Variants in SNTB2 observed in about 807,000 individuals in gnomAD.
SNTB2 encodes the protein syntrophin beta 2, also known as beta-2-syntrophin.
A neutral mutation model predicts 46.2 loss-of-function variants in SNTB2; 34 were observed. The observed-to-expected ratio is 0.74, with a 90% CI of 0.56 to 0.98. The LOEUF is 0.98. Ranked by LOEUF, SNTB2 falls within the 50% of genes least tolerant of loss-of-function variation. SNTB2 has a pLI of 0.00. For missense variants in SNTB2, 603 were observed against 731.4 expected (o/e 0.82, Z 2.02); for synonymous variants, 290 against 312.6 (o/e 0.93, Z 0.76).
rs888609765 is a variant in SNTB2, at chr16:69,307,732, C to T, written c.*6808C>T. The T allele has an allele frequency of 1.3e-5, 2 of 151,514 alleles. No homozygotes were observed. The highest frequency in any genetic ancestry group is 2.9e-5 in the Non-Finnish European group (2 of 67,922). The allele number at this position is 151,514 out of a possible 1,614,324, so 9.4% of individuals were successfully genotyped here. On this transcript the variant is annotated 3_prime_UTR_variant, in exon 7 of 7. Transcript: ENST00000336278. Reference sequence around the variant, plus strand: ...GGCCAAGGCAGGAGGATCACTTTAGCCCAGGAGGTCCAGACCAGCCTGGGC... The same window carrying T: ...GGCCAAGGCAGGAGGATCACTTTAGTCCAGGAGGTCCAGACCAGCCTGGGC...
intron 4 of SNTB2, among the ~76,000 whole-genome samples, chr16:69,280,995 C>T (rs1965037451): frequency 6.6e-6 from 1 of 152,100 alleles, no homozygotes; most frequent in South Asian, 2.1e-4. Context: ...GACAGGGTTT[C>T]ACCGTGTTAG....
chr16:69,287,590 G>A (rs1042658331), intron 5 of SNTB2, among the ~76,000 whole-genome samples: 3 of 152,110 alleles, frequency 2.0e-5, no homozygotes, highest in African/African-American at 2.4e-5. Flanking sequence ...TGCTGGAAGC[G>A]GTTGCTTATG....
At chr16:69,246,403 G>A (rs1203401763) in intron 2 of SNTB2, among the ~76,000 whole-genome samples, 1 of 151,280 alleles carries the variant, frequency 6.6e-6, no homozygotes, top group Non-Finnish European at 1.5e-5. Context: ...GCATCCCAGG[G>A]ATGAAGCCCA....
intron 1 of SNTB2, among the ~76,000 whole-genome samples, chr16:69,195,924 A>C (rs1964100990): frequency 6.6e-6 from 1 of 152,132 alleles, no homozygotes; most frequent in Admixed American, 6.5e-5. Context: ...TAACTTATGT[A>C]CACTATAACA....
intron 2 of SNTB2, among the ~76,000 whole-genome samples, chr16:69,251,188 C>T (rs192393109): frequency 2.6e-5 from 4 of 150,974 alleles, no homozygotes; most frequent in East Asian, 4.1e-4. Flanking sequence ...CCGTTTTAGC[C>T]GGGATGGTCT....
intron 1 of SNTB2, chr16:69,191,029 C>T (rs1199361743): frequency 2.0e-5 from 3 of 152,006 alleles, no homozygotes; most frequent in Non-Finnish European, 4.4e-5. Flanking sequence ...GGAAGGATGG[C>T]AAGTCGTTAA....
At position 69,287,190 on chromosome 16, in the gene SNTB2, T is replaced by C. The variant is rs1230055979; in HGVS notation, c.1345+2946T>C. On this transcript the variant is annotated intron_variant, in intron 5 of 6. Coordinates refer to ENST00000336278, the MANE Select transcript of SNTB2 (RefSeq NM_006750.4). Reference sequence around the variant, plus strand: ...ATTGTTTTTTATATATATTTACATATATGTATACATGTAGATATTTGCAAA... The same window carrying C: ...ATTGTTTTTTATATATATTTACATACATGTATACATGTAGATATTTGCAAA... Among the ~76,000 whole-genome samples the C allele has an allele frequency of 2.0e-5, 3 of 152,238 alleles. No individual in the cohort carries two copies. The South Asian group carries it at 6.2e-4, about 31-fold the overall frequency.
intron 4 of SNTB2, among the ~76,000 whole-genome samples, chr16:69,282,200 C>T (rs1301714290): frequency 6.7e-6 from 1 of 150,196 alleles, no homozygotes; most frequent in African/African-American, 2.4e-5. Context: ...GTGGCTCATG[C>T]CTGTAATTCC....
chr16:69,194,076 C>T (rs1200644631), intron 1 of SNTB2, among the ~76,000 whole-genome samples: 1 of 151,958 alleles, frequency 6.6e-6, no homozygotes, highest in Non-Finnish European at 1.5e-5. Flanking sequence ...TCAAATAATC[C>T]TCTTGCATGC....
At chr16:69,209,611 G>A (rs1964258405) in intron 1 of SNTB2, among the ~76,000 whole-genome samples, 1 of 152,144 alleles carries the variant, frequency 6.6e-6, no homozygotes, top group Non-Finnish European at 1.5e-5. Flanking sequence ...GCCATTGGTG[G>A]AAATACTTTA....
At chr16:69,273,117 T>C (rs555802280) in intron 4 of SNTB2, among the ~76,000 whole-genome samples, 1 of 152,240 alleles carries the variant, frequency 6.6e-6, no homozygotes, top group African/African-American at 2.4e-5. Flanking sequence ...GAAAATGGAA[T>C]CTTCATACAC....
chr16:69,284,142 C>A lies in SNTB2; in HGVS notation c.1243C>A (p.His415Asn). The A allele has an allele frequency of 6.2e-7, 1 of 1,613,972 alleles. No homozygotes were observed. The highest frequency in any genetic ancestry group is 8.5e-7 in the Non-Finnish European group (1 of 1,179,984). The change falls in exon 5 of 7, where the codon CAT becomes AAT. Residue 415 changes from histidine (H) to asparagine (N), a missense_variant. Physicochemically the swap from His to Asn is moderately conservative, Grantham distance 68. This residue lies in a region of SNTB2 where 537 missense variants were observed against 692.4 expected (regional missense o/e 0.78). Transcript: ENST00000336278. ...AGGCTCTCGACAGGGCATTGAGATG[C>A]ATCTCTTCAGGGTGGAGACACATCG... ...RTGSRQGIEM[H>N]LFRVETHRDL... is the part of the protein sequence containing the mutation.
At chr16:69,232,208 CTT>C (rs34688718) in intron 1 of SNTB2, among the ~76,000 whole-genome samples, 44 of 136,526 alleles carry the variant, frequency 3.2e-4, no homozygotes, top group Non-Finnish European at 4.6e-4. Flanking sequence ...TTTCTTTTTT[CTT>C]TTTTTTTTTT....
chr16:69,277,953 A>T (rs952228726), intron 4 of SNTB2, among the ~76,000 whole-genome samples: 26 of 152,354 alleles, frequency 1.7e-4, no homozygotes, highest in Admixed American at 7.8e-4. Flanking sequence ...AGGCCAAGGC[A>T]TGTGGATCGC....
intron 4 of SNTB2, among the ~76,000 whole-genome samples, chr16:69,282,115 G>C: frequency 6.7e-6 from 1 of 149,492 alleles, no homozygotes; most frequent in Non-Finnish European, 1.5e-5. Flanking sequence ...ATGTGGGCTA[G>C]GCTGGACTTA....
chr16:69,220,648 C>T (rs1464999521), intron 1 of SNTB2, among the ~76,000 whole-genome samples: 1 of 152,000 alleles, frequency 6.6e-6, no homozygotes, highest in East Asian at 1.9e-4. Flanking sequence ...CTGCCTCAGC[C>T]TTCCTAGTAG....
chr16:69,188,194 C>T (rs957948736), intron 1 of SNTB2, among the ~76,000 whole-genome samples: 3 of 151,668 alleles, frequency 2.0e-5, no homozygotes, highest in Non-Finnish European at 4.4e-5. Flanking sequence ...CTCGGGCAAA[C>T]CACCAAAGCG....
intron 4 of SNTB2, among the ~76,000 whole-genome samples, chr16:69,278,495 A>C (rs932966936): frequency 2.8e-5 from 4 of 142,114 alleles, no homozygotes; most frequent in African/African-American, 1.1e-4. Flanking sequence ...TTGCTCTGTC[A>C]CCCAGGCTGG....
chr16:69,297,525 G>A (rs940237807), intron 5 of SNTB2, among the ~76,000 whole-genome samples: 8 of 151,216 alleles, frequency 5.3e-5, no homozygotes, highest in African/African-American at 1.9e-4. Context: ...GGTTGAGGCG[G>A]GAGAATTGCT....
Sources: allele counts gnomAD v4.1 joint callset (sites outside exome capture counted in the v4.1 genomes callset), GRCh38; gene constraint gnomAD v4.1.1; regional missense constraint gnomAD v4.1.1; transcripts MANE v1.5; gene names NCBI Gene and HGNC (gene_info 2026-07-23, HGNC 2026-07-21).